LIMCH1: variants seen among roughly 807,000 people sequenced by gnomAD.
The protein encoded by LIMCH1 is LIM and calponin homology domains-containing protein 1.
A neutral mutation model predicts 176.5 loss-of-function variants in LIMCH1; 113 were observed. That is an observed-to-expected ratio of 0.64 (90% CI 0.55 to 0.75). LIMCH1 has a LOEUF of 0.75. Among genes scored for constraint, LIMCH1 ranks in the 30% least tolerant of loss-of-function variants. The pLI, the probability that LIMCH1 is intolerant of heterozygous loss-of-function variation, is 0.00. For missense variants in LIMCH1, 1,674 were observed against 1,814.9 expected (o/e 0.92, Z 1.41); for synonymous variants, 619 against 645.9 (o/e 0.96, Z 0.63).
chr4:41,598,819 A>G lies in LIMCH1; in HGVS notation c.-240-101A>G. 3 of 633,978 alleles carry G rather than the reference A, an allele frequency of 4.7e-6. No individual in the cohort carries two copies. The South Asian group carries it at 6.5e-5, about 14-fold the overall frequency. 39.3% of individuals were successfully genotyped at this position (633,978 alleles called of 1,614,324 possible). ...CAAGCTATGATTTAGACCTGACCAT[A>G]GCTGCCTTAGTGACCAGTATCCCTA... On this transcript the variant is annotated intron_variant, in intron 1 of 31. Coordinates refer to ENST00000503057, the MANE Select transcript of LIMCH1 (RefSeq NM_001330672.2).
chr4:41,647,031 A>C, intron 17 of LIMCH1, 138 bp downstream of exon 17: 1 of 824,718 alleles, frequency 1.2e-6, no homozygotes. Flanking sequence ...TGTGAAAGTC[A>C]TAGGTCTCTG....
At chr4:41,650,652 T>C (rs1021504059) in intron 18 of LIMCH1, 44 bp downstream of exon 18, 19 of 1,478,952 alleles carry the variant, frequency 1.3e-5, no homozygotes, top group Non-Finnish European at 1.7e-5. Context: ...GATAATTCCA[T>C]GGTGAAAGAA....
intron 1 of LIMCH1, among the ~76,000 whole-genome samples, chr4:41,385,510 A>G (rs903928964): frequency 2.0e-5 from 3 of 152,172 alleles, no homozygotes. Flanking sequence ...GGGATATCAA[A>G]CTTATCCTAT....
chr4:41,516,392 A>G (rs1419240113), intron 2 of LIMCH1, among the ~76,000 whole-genome samples: 2 of 152,178 alleles, frequency 1.3e-5, no homozygotes, highest in Admixed American at 6.5e-5. Context: ...GCAAAAAGTG[A>G]AGCATCATAG....
At chr4:41,495,187 C>T (rs1224979029) in intron 2 of LIMCH1, among the ~76,000 whole-genome samples, 4 of 152,128 alleles carry the variant, frequency 2.6e-5, no homozygotes, top group Admixed American at 1.3e-4. Flanking sequence ...GCAGAGCCTT[C>T]GTACTTATAA....
At chr4:41,629,813 G>T in intron 9 of LIMCH1, 79 bp downstream of exon 9, 3 of 1,370,026 alleles carry the variant, frequency 2.2e-6, no homozygotes, top group African/African-American at 1.6e-5. Context: ...TTATCTTTGT[G>T]TCTTTTTTTT....
intron 1 of LIMCH1, among the ~76,000 whole-genome samples, chr4:41,580,985 A>G (rs995303915): frequency 2.0e-5 from 3 of 152,204 alleles, no homozygotes; most frequent in African/African-American, 4.8e-5. Flanking sequence ...GACTATACCA[A>G]TTACTGTAGA....
At chr4:41,626,063 G>A (rs1677076190) in intron 7 of LIMCH1, among the ~76,000 whole-genome samples, 2 of 152,156 alleles carry the variant, frequency 1.3e-5, no homozygotes, top group Admixed American at 6.5e-5. Flanking sequence ...GAGGATAGAA[G>A]AGGGAAGAAA....
At chr4:41,558,922 T>A (rs1425721676) in intron 1 of LIMCH1, among the ~76,000 whole-genome samples, 1 of 152,144 alleles carries the variant, frequency 6.6e-6, no homozygotes, top group African/African-American at 2.4e-5. Context: ...AGACATGTCT[T>A]CACCATCTGA....
intron 1 of LIMCH1, among the ~76,000 whole-genome samples, chr4:41,427,927 A>G (rs1034232331): frequency 4.0e-5 from 6 of 149,248 alleles, no homozygotes; most frequent in African/African-American, 1.3e-4. Flanking sequence ...TACCTACAAA[A>G]TGGTGCATCT....
intron 1 of LIMCH1, among the ~76,000 whole-genome samples, chr4:41,391,902 A>G (rs904071557): frequency 2.6e-5 from 4 of 152,238 alleles, no homozygotes; most frequent in Admixed American, 6.5e-5. Context: ...TAAATGCACT[A>G]TGGTTAGATA....
chr4:41,513,200 G>A lies in LIMCH1; in HGVS notation c.168-11209G>A, dbSNP rs556410028. 1.5e-4 allele frequency among the ~76,000 whole-genome samples: 23 copies of A among 152,290 alleles called. No homozygotes were observed. In the South Asian group the frequency reaches 4.6e-3, roughly 30 times the overall value. On this transcript the variant is annotated intron_variant, in intron 2 of 26. Coordinates refer to the LIMCH1 transcript ENST00000313860. ...AAATAGTAACATCAGACAAAGAAAG[G>A]CCATGGAATGGAAGAATGAGAAGAT...
intron 1 of LIMCH1, among the ~76,000 whole-genome samples, chr4:41,428,587 A>G (rs1415491975): frequency 6.6e-6 from 1 of 151,758 alleles, no homozygotes; most frequent in Non-Finnish European, 1.5e-5. Context: ...CTAACTATTC[A>G]GAATGTGGCT....
At chr4:41,679,984 A>G (rs758994039) in intron 23 of LIMCH1, 22 bp from the exon 24 acceptor site, 1 of 1,549,610 alleles carries the variant, frequency 6.5e-7, no homozygotes, top group Admixed American at 1.7e-5. Flanking sequence ...GTTGAGAACA[A>G]TCTATGGAAA....
intron 1 of LIMCH1, among the ~76,000 whole-genome samples, chr4:41,569,942 T>C (rs759532917): frequency 6.6e-6 from 1 of 152,246 alleles, no homozygotes; most frequent in Non-Finnish European, 1.5e-5. Context: ...CCATTGTGAC[T>C]GAATTTCTCT....
intron 3 of LIMCH1, among the ~76,000 whole-genome samples, chr4:41,527,635 A>G (rs933413928): frequency 1.3e-5 from 2 of 152,080 alleles, no homozygotes; most frequent in African/African-American, 4.8e-5. Context: ...GGAGATTGCG[A>G]CCACGGTAAA....
chr4:41,626,736 G>C lies in LIMCH1; in HGVS notation c.754G>C (p.Ala252Pro), dbSNP rs540480543. Residue 252 changes from alanine to proline, a missense_variant, in exon 8 of 32, where the codon GCT becomes CCT. Coordinates refer to ENST00000503057, the MANE Select transcript of LIMCH1 (RefSeq NM_001330672.2). ...SQKQLSEEKE[A>P]IRDIVLRKEN... ...AAAACAATTAAGTGAAGAGAAAGAA[G>C]CTATTCGTGATATTGTCCTTCGCAA... 5.9e-6 allele frequency: 9 copies of C among 1,536,160 alleles called. No individual in the cohort carries two copies. Among genetic ancestry groups the C allele is most frequent in the Non-Finnish European group, 7.8e-6 (9 of 1,146,858 alleles).
At chr4:41,541,999 C>A (rs1427024132) in intron 1 of LIMCH1, among the ~76,000 whole-genome samples, 11 of 152,128 alleles carry the variant, frequency 7.2e-5, no homozygotes, top group Non-Finnish European at 1.5e-4. Flanking sequence ...CCGAACTCAG[C>A]CATGCTTGTG....
rs151127311 is a variant in LIMCH1, at chr4:41,598,940, G to A, written c.-220G>A. The A allele has an allele frequency of 9.1e-4, 1,465 of 1,606,834 alleles. 1 individual carries two copies. Among genetic ancestry groups the A allele is most frequent in the Non-Finnish European group, 1.1e-3 (1,254 of 1,173,896 alleles). On this transcript the variant is annotated 5_prime_UTR_variant, in exon 2 of 32. The change abolishes the stop of an existing upstream ORF in the 5' untranslated region. Coordinates refer to ENST00000503057, the MANE Select transcript of LIMCH1 (RefSeq NM_001330672.2). Reference sequence around the variant, plus strand: ...TCTAGGACAATATTATCTTATTCTTGAGAGGTTGTAAAGAGCTCGGCCTTA... The same window carrying A: ...TCTAGGACAATATTATCTTATTCTTAAGAGGTTGTAAAGAGCTCGGCCTTA...
Sources: gnomAD v4.1 joint callset for allele counts (sites outside exome capture counted in the v4.1 genomes callset) on GRCh38, gnomAD v4.1.1 for gene constraint, MANE v1.5 for transcripts, NCBI Gene and HGNC (gene_info 2026-07-23, HGNC 2026-07-21) for gene names.